The following C3orf52 variants were observed in gnomAD, a reference collection of about 807,000 sequenced individuals.
C3orf52 encodes TPA-induced transmembrane protein.
Under a neutral mutation model 24.8 loss-of-function variants are expected in C3orf52, and 22 were observed. The observed-to-expected ratio is 0.89, with a 90% confidence interval of 0.63 to 1.27. The LOEUF (loss-of-function observed/expected upper bound fraction) is 1.27, where lower values mean the gene tolerates loss of function less well. Ranked by LOEUF, C3orf52 falls within the 50% of genes most tolerant of loss-of-function variation. The probability of loss-of-function intolerance (pLI) is 0.00; values close to 1 mark genes in which losing one functional copy is unlikely to be tolerated. For missense variants in C3orf52, 265 were observed against 260.7 expected (o/e 1.02, Z -0.11); for synonymous variants, 93 against 100.2 (o/e 0.93, Z 0.43).
At position 112,118,188 on chromosome 3, in the gene C3orf52, C is replaced by T. The variant is rs1197088863; in HGVS notation, c.*1542C>T. The T allele has an allele frequency of 6.6e-6, 1 of 152,176 alleles. No individual in the cohort carries two copies. Among genetic ancestry groups the T allele is most frequent in the African/African-American group, 2.4e-5 (1 of 41,444 alleles). The allele number at this position is 152,176 out of a possible 1,614,324, so 9.4% of individuals were successfully genotyped here. ...ATGGAGAATGATTTAAAAACATTTA[C>T]AATACATTATTTTTGCATCTGTGTT... On this transcript the variant is annotated 3_prime_UTR_variant, in exon 6 of 6. Transcript: ENST00000264848.
At chr3:112,131,440 C>T (rs1341486855), downstream of C3orf52, among the ~76,000 whole-genome samples, 1 of 152,044 alleles carries the variant, frequency 6.6e-6, no homozygotes, top group Non-Finnish European at 1.5e-5. Context: ...AAATTAGATA[C>T]CAATATATAC....
downstream of C3orf52, chr3:112,134,907 A>T (rs527885136): frequency 7.1e-5 from 11 of 155,118 alleles, no homozygotes; most frequent in African/African-American, 2.6e-4. Context: ...CTTCTGTGAC[A>T]TTAGAGATAA....
intron 2 of C3orf52, among the ~76,000 whole-genome samples, chr3:112,093,988 A>C (rs1369780346): frequency 6.6e-6 from 1 of 151,272 alleles, no homozygotes; most frequent in African/African-American, 2.4e-5. Context: ...ATTTTAACTT[A>C]TTGTATTTAT....
At chr3:112,108,628 CTG>C (rs751866235) in intron 3 of C3orf52, among the ~76,000 whole-genome samples, 3 of 152,216 alleles carry the variant, frequency 2.0e-5, no homozygotes, top group Non-Finnish European at 4.4e-5. Context: ...TTAAAGGAAT[CTG>C]TGCAGGAGTT....
At chr3:112,100,258 C>T (rs893374839) in intron 2 of C3orf52, among the ~76,000 whole-genome samples, 13 of 152,204 alleles carry the variant, frequency 8.5e-5, no homozygotes, top group Middle Eastern at 3.2e-3. Flanking sequence ...AGGTATCTGG[C>T]GTTTAAGGGC....
intron 3 of C3orf52, among the ~76,000 whole-genome samples, chr3:112,103,960 C>A (rs1414170787): frequency 6.6e-6 from 1 of 152,058 alleles, no homozygotes; most frequent in Non-Finnish European, 1.5e-5. Flanking sequence ...TTCCTTTTAG[C>A]CTTTCTGTGT....
chr3:112,115,574 C>G (rs1199995602), intron 5 of C3orf52, among the ~76,000 whole-genome samples: 1 of 152,006 alleles, frequency 6.6e-6, no homozygotes, highest in East Asian at 1.9e-4. Context: ...AGCTGTGTAC[C>G]TTCTCCCCAG....
chr3:112,118,816 T>C (rs1244496416), downstream of C3orf52, among the ~76,000 whole-genome samples: 1 of 152,238 alleles, frequency 6.6e-6, no homozygotes, highest in East Asian at 1.9e-4. Flanking sequence ...CTTCTCTGGA[T>C]GTCACTTAGA....
chr3:112,125,959 CAT>C (rs1365163067), intron 4 of C3orf52, among the ~76,000 whole-genome samples: 1 of 152,234 alleles, frequency 6.6e-6, no homozygotes, highest in African/African-American at 2.4e-5. Flanking sequence ...CATAAACAAA[CAT>C]GTGCCCTCAC....
chr3:112,111,872 A>G (rs750443117), intron 4 of C3orf52: 1 of 152,216 alleles, frequency 6.6e-6, no homozygotes, highest in Admixed American at 6.5e-5. Flanking sequence ...CTGACTCTCC[A>G]TTATTCATTT....
chr3:112,119,684 C>T (rs944339764), downstream of C3orf52: 1 of 583,584 alleles, frequency 1.7e-6, no homozygotes, highest in African/African-American at 1.9e-5. Context: ...TTCTCCTCTC[C>T]CATCACTCTT....
chr3:112,107,743 G>A (rs2074040012), intron 3 of C3orf52, among the ~76,000 whole-genome samples: 1 of 152,216 alleles, frequency 6.6e-6, no homozygotes, highest in Non-Finnish European at 1.5e-5. Flanking sequence ...ATATATTAAT[G>A]CCTGTTTTGC....
intron 2 of C3orf52, among the ~76,000 whole-genome samples, chr3:112,097,102 A>G (rs146971520): frequency 4.7e-4 from 72 of 152,350 alleles, no homozygotes; most frequent in African/African-American, 1.5e-3. Context: ...ATAAGGAATT[A>G]TAAATTTCTT....
At chr3:112,089,980 T>C (rs557095184) in intron 1 of C3orf52, among the ~76,000 whole-genome samples, 2 of 152,306 alleles carry the variant, frequency 1.3e-5, no homozygotes, top group African/African-American at 4.8e-5. Context: ...CAGTTGCAAA[T>C]ATCTCCGGAA....
downstream of C3orf52, chr3:112,130,629 A>G: frequency 2.2e-6 from 2 of 902,544 alleles, no homozygotes; most frequent in Non-Finnish European, 3.7e-6. Context: ...TCAGAAATTG[A>G]CTGGTTGCCC....
intron 5 of C3orf52, 60 bp from the exon 6 acceptor site, chr3:112,116,582 A>C: frequency 7.4e-7 from 1 of 1,353,030 alleles, no homozygotes; most frequent in South Asian, 1.5e-5. Flanking sequence ...ATGAAAACGT[A>C]AGCATTTAAT....
At chr3:112,130,313 A>C, downstream of C3orf52, 1 of 751,704 alleles carries the variant, frequency 1.3e-6, no homozygotes, top group Admixed American at 2.0e-5. Flanking sequence ...TCCTGTCTTC[A>C]CATTTGTTAC....
intron 1 of C3orf52, among the ~76,000 whole-genome samples, chr3:112,092,571 C>T (rs1302796319): frequency 6.6e-6 from 1 of 152,196 alleles, no homozygotes; most frequent in East Asian, 1.9e-4. Context: ...GGTTCTGGCT[C>T]ATCTCTCTGA....
intron 4 of C3orf52, chr3:112,125,136 A>G: frequency 1.2e-6 from 1 of 848,268 alleles, no homozygotes. Context: ...AAGGGTCAGA[A>G]GGGATCTCAG....
Sources: gnomAD v4.1 joint callset for allele counts (sites outside exome capture counted in the v4.1 genomes callset) on GRCh38, gnomAD v4.1.1 for gene constraint, MANE v1.5 for transcripts, NCBI Gene and HGNC (gene_info 2026-07-23, HGNC 2026-07-21) for gene names.